The following TRIM33 variants were observed in gnomAD, a reference collection of about 807,000 sequenced individuals.
TRIM33 encodes the protein E3 ubiquitin-protein ligase TRIM33.
In TRIM33, 20 loss-of-function variants were observed where a neutral mutation model predicts 125.4. The observed-to-expected ratio is 0.16, with a 90% CI of 0.11 to 0.23. The LOEUF (loss-of-function observed/expected upper bound fraction) is 0.23. Among genes scored for constraint, TRIM33 ranks in the 10% least tolerant of loss-of-function variants. The probability of loss-of-function intolerance (pLI) is 1.00; values close to 1 mark genes in which losing one functional copy is unlikely to be tolerated. For missense variants in TRIM33, 920 were observed against 1,411.4 expected, an observed-to-expected ratio of 0.65 and a Z score of 5.58; for synonymous variants, 564 against 513.9, an observed-to-expected ratio of 1.10 and a Z score of -1.32.
intron 6 of TRIM33, among the ~76,000 whole-genome samples, chr1:114,429,161 C>T (rs1647778334): frequency 6.6e-6 from 1 of 151,474 alleles, no homozygotes; most frequent in Admixed American, 6.6e-5. Flanking sequence ...GAAAAGGGAC[C>T]CACAACTTTA....
chr1:114,461,721 C>G (rs975362482), intron 4 of TRIM33, among the ~76,000 whole-genome samples: 16 of 151,852 alleles, frequency 1.1e-4, no homozygotes, highest in African/African-American at 3.9e-4. Flanking sequence ...TTCTTTTTGC[C>G]TCTCACCATC....
At chr1:114,430,704 C>T in intron 6 of TRIM33, 94 bp downstream of exon 6, 2 of 745,518 alleles carry the variant, frequency 2.7e-6, no homozygotes, top group East Asian at 2.5e-5. Flanking sequence ...ATTTCCATAC[C>T]CCCCAATCCA....
intron 1 of TRIM33, 139 bp downstream of exon 1, chr1:114,510,412 G>T: frequency 1.4e-6 from 1 of 726,028 alleles, no homozygotes; most frequent in Non-Finnish European, 2.0e-6. Flanking sequence ...AGTGTCCCAG[G>T]GGCGAGTCTT....
chr1:114,464,368 C>A lies in TRIM33; in HGVS notation c.547G>T (p.Val183Leu). The A allele has an allele frequency of 1.2e-6, 2 of 1,604,442 alleles. No individual in the cohort carries two copies. Among genetic ancestry groups the A allele is most frequent in the Non-Finnish European group, 1.7e-6 (2 of 1,175,118 alleles). ...IQQVGVIRCP[V>L]CRQECRQIDL... is the part of the protein sequence containing the mutation. ...ATCTGTCTGCATTCTTGGCGGCATA[C>A]TGGGCACCGTATTACACCAACTACA... Residue 183 changes from valine to leucine, a missense_variant, in exon 2 of 20, where the codon GTA becomes TTA. Val to Leu is a conservative substitution (Grantham distance 32). Coordinates refer to ENST00000358465, the MANE Select transcript of TRIM33 (RefSeq NM_015906.4).
chr1:114,451,279 G>T (rs1365333014), intron 4 of TRIM33, among the ~76,000 whole-genome samples: 2 of 150,864 alleles, frequency 1.3e-5, no homozygotes, highest in African/African-American at 4.9e-5. Flanking sequence ...TATATTGATT[G>T]GCTTCCTTCA....
chr1:114,453,873 A>C (rs1649477141), intron 4 of TRIM33, among the ~76,000 whole-genome samples: 2 of 152,198 alleles, frequency 1.3e-5, no homozygotes, highest in Non-Finnish European at 2.9e-5. Flanking sequence ...CACTATCAGG[A>C]GGTGTTTATG....
chr1:114,398,812 C>T (rs750864635), intron 18 of TRIM33, among the ~76,000 whole-genome samples: 24 of 148,374 alleles, frequency 1.6e-4, no homozygotes, highest in Middle Eastern at 3.4e-3. Flanking sequence ...ATAATAGAAT[C>T]GATTTTATCC....
chr1:114,458,767 G>C (rs1336845820), intron 4 of TRIM33, among the ~76,000 whole-genome samples: 1 of 152,134 alleles, frequency 6.6e-6, no homozygotes, highest in Non-Finnish European at 1.5e-5. Context: ...AGGAGAATCT[G>C]TCTGGGTGAT....
chr1:114,438,416 T>C (rs567797938), intron 4 of TRIM33, among the ~76,000 whole-genome samples: 2 of 152,340 alleles, frequency 1.3e-5, no homozygotes, highest in South Asian at 2.1e-4. Context: ...GAAGTATCCA[T>C]TCATAGCTGA....
chr1:114,452,951 T>C (rs1184199220), intron 4 of TRIM33, among the ~76,000 whole-genome samples: 1 of 151,608 alleles, frequency 6.6e-6, no homozygotes, highest in Non-Finnish European at 1.5e-5. Context: ...ACTGACTCAA[T>C]AAGCGTATAA....
chr1:114,477,986 A>G (rs927804017), intron 1 of TRIM33, among the ~76,000 whole-genome samples: 1 of 152,258 alleles, frequency 6.6e-6, no homozygotes, highest in African/African-American at 2.4e-5. Context: ...ACCACTTTCA[A>G]TAATGGCACA....
At chr1:114,468,546 CAAAAG>C (rs550631426) in intron 1 of TRIM33, 45 of 394,260 alleles carry the variant, frequency 1.1e-4, no homozygotes, top group South Asian at 1.7e-4. Context: ...CTTCTTTAAT[CAAAAG>C]AAAAGAAAAG....
At chr1:114,485,897 A>G (rs1429957298) in intron 1 of TRIM33, among the ~76,000 whole-genome samples, 2 of 152,364 alleles carry the variant, frequency 1.3e-5, no homozygotes, top group Non-Finnish European at 2.9e-5. Context: ...GACAATCAGT[A>G]CATGCCCAAA....
intron 4 of TRIM33, chr1:114,460,509 C>T (rs1272823389): frequency 2.0e-5 from 3 of 150,956 alleles, no homozygotes; most frequent in Admixed American, 6.6e-5. Context: ...ACCCTAATTT[C>T]CCAAATAAGC....
chr1:114,497,773 C>A (rs1380565466), intron 1 of TRIM33, among the ~76,000 whole-genome samples: 1 of 151,748 alleles, frequency 6.6e-6, no homozygotes, highest in Non-Finnish European at 1.5e-5. Flanking sequence ...AGGCCCCACA[C>A]AGAAGCACAG....
intron 1 of TRIM33, among the ~76,000 whole-genome samples, chr1:114,497,007 C>T (rs1436191966): frequency 6.6e-6 from 1 of 152,176 alleles, no homozygotes; most frequent in Admixed American, 6.5e-5. Context: ...ACAAAATGTA[C>T]TCTGCTGTAA....
At chr1:114,428,021 T>C (rs1458516687) in intron 6 of TRIM33, 127 bp from the exon 7 acceptor site, 1 of 934,016 alleles carries the variant, frequency 1.1e-6, no homozygotes, top group African/African-American at 1.7e-5. Flanking sequence ...AGCTCCATGA[T>C]TATTTAGCAA....
intron 10 of TRIM33, among the ~76,000 whole-genome samples, chr1:114,423,115 T>C (rs1647313639): frequency 6.6e-6 from 1 of 152,222 alleles, no homozygotes; most frequent in African/African-American, 2.4e-5. Context: ...AAAAGAGTTT[T>C]GTATCTTCTA....
chr1:114,431,594 C>G (rs531315561), intron 5 of TRIM33, among the ~76,000 whole-genome samples: 2 of 152,304 alleles, frequency 1.3e-5, no homozygotes, highest in Non-Finnish European at 2.9e-5. Flanking sequence ...AATCCCACCA[C>G]TATAAATATA....
Sources: gnomAD v4.1 joint callset for allele counts (sites outside exome capture counted in the v4.1 genomes callset) on GRCh38, gnomAD v4.1.1 for gene constraint, MANE v1.5 for transcripts, NCBI Gene and HGNC (gene_info 2026-07-23, HGNC 2026-07-21) for gene names.